Variants in L3MBTL4 observed in about 807,000 individuals in gnomAD.
The protein encoded by L3MBTL4 is L3MBTL histone methyl-lysine binding protein 4.
L3MBTL4 carries 70 observed loss-of-function variants against 84.5 expected under a neutral mutation model. The observed-to-expected ratio is 0.83, with a 90% CI of 0.68 to 1.01. L3MBTL4 has a LOEUF of 1.01. Ranked by LOEUF, L3MBTL4 falls within the 50% of genes least tolerant of loss-of-function variation. The pLI, the probability that L3MBTL4 is intolerant of heterozygous loss-of-function variation, is 0.00. For missense variants in L3MBTL4, 715 were observed against 754.8 expected, an observed-to-expected ratio of 0.95 and a Z score of 0.62; for synonymous variants, 274 against 259.8, an observed-to-expected ratio of 1.05 and a Z score of -0.52.
At chr18:6,169,480 C>A (rs1188659471) in intron 13 of L3MBTL4, among the ~76,000 whole-genome samples, 1 of 152,032 alleles carries the variant, frequency 6.6e-6, no homozygotes, top group Non-Finnish European at 1.5e-5. Context: ...ACATATACAC[C>A]ATGGAATACT....
At chr18:6,219,678 A>G (rs2046468931) in intron 10 of L3MBTL4, among the ~76,000 whole-genome samples, 1 of 151,896 alleles carries the variant, frequency 6.6e-6, no homozygotes, top group East Asian at 1.9e-4. Flanking sequence ...ATCTTCAGTT[A>G]ATGATGAAGA....
intron 12 of L3MBTL4, among the ~76,000 whole-genome samples, chr18:6,174,979 T>C (rs1300356294): frequency 6.7e-6 from 1 of 150,242 alleles, no homozygotes; most frequent in African/African-American, 2.5e-5. Flanking sequence ...ACAGAGAGAA[T>C]GGAGCAGGAA....
At chr18:6,262,874 T>C (rs985731493) in intron 5 of L3MBTL4, among the ~76,000 whole-genome samples, 1 of 152,180 alleles carries the variant, frequency 6.6e-6, no homozygotes, top group African/African-American at 2.4e-5. Context: ...CACTGCCATA[T>C]CCAGGATTAC....
chr18:6,062,684 T>A (rs534554171), intron 16 of L3MBTL4, among the ~76,000 whole-genome samples: 1 of 152,018 alleles, frequency 6.6e-6, no homozygotes, highest in South Asian at 2.1e-4. Context: ...CATCTTTTTT[T>A]TCTCTTTGCT....
chr18:6,262,482 G>A (rs1295466919), intron 5 of L3MBTL4, among the ~76,000 whole-genome samples: 5 of 152,202 alleles, frequency 3.3e-5, no homozygotes, highest in African/African-American at 1.2e-4. Flanking sequence ...TGAAAGCAAT[G>A]TGGGGAAACA....
chr18:6,151,016 T>C lies in L3MBTL4; in HGVS notation c.1097-12720A>G, dbSNP rs772048978. 2.0e-5 allele frequency among the ~76,000 whole-genome samples: 3 copies of C among 152,014 alleles called. No homozygotes were observed. In the South Asian group the frequency reaches 6.2e-4, roughly 32 times the overall value. ...TACAGCAGCGCCAGGCTCCACAAGG[T>C]CAGAGGCCACAGACACAGCAGGACC... On this transcript the variant is annotated intron_variant, in intron 13 of 18. Coordinates refer to ENST00000317931, the MANE Select transcript of L3MBTL4 (RefSeq NM_001330559.2).
At chr18:6,201,918 A>G (rs1004478300) in intron 12 of L3MBTL4, among the ~76,000 whole-genome samples, 2 of 152,260 alleles carry the variant, frequency 1.3e-5, no homozygotes, top group African/African-American at 4.8e-5. Context: ...GTGTTAAGTT[A>G]GGTTGAGTCT....
chr18:6,250,706 C>G (rs952529921), intron 5 of L3MBTL4, among the ~76,000 whole-genome samples: 10 of 152,180 alleles, frequency 6.6e-5, no homozygotes, highest in Non-Finnish European at 8.8e-5. Flanking sequence ...ATACAAAGAA[C>G]TGGGCAAGGA....
chr18:6,167,096 G>A (rs1489782035), intron 13 of L3MBTL4, among the ~76,000 whole-genome samples: 1 of 152,072 alleles, frequency 6.6e-6, no homozygotes. Flanking sequence ...ATAAATTCCT[G>A]TACACATACA....
intron 1 of L3MBTL4, among the ~76,000 whole-genome samples, chr18:6,318,790 T>G (rs571079218): frequency 6.6e-6 from 1 of 152,154 alleles, no homozygotes; most frequent in East Asian, 1.9e-4. Context: ...AGCTAACATA[T>G]ATTTATAGAA....
intron 12 of L3MBTL4, among the ~76,000 whole-genome samples, chr18:6,195,505 C>T (rs1427371516): frequency 2.0e-5 from 3 of 152,080 alleles, no homozygotes; most frequent in Non-Finnish European, 2.9e-5. Context: ...GACATGAATT[C>T]CATGTGGGGC....
At chr18:6,170,011 C>T (rs894895296) in intron 13 of L3MBTL4, among the ~76,000 whole-genome samples, 9 of 151,990 alleles carry the variant, frequency 5.9e-5, no homozygotes, top group South Asian at 2.1e-4. Flanking sequence ...GCACATGCTA[C>T]GGGGCAGGCA....
intron 1 of L3MBTL4, among the ~76,000 whole-genome samples, chr18:6,404,852 AT>A (rs796588434): frequency 0.022 from 3,109 of 141,988 alleles, 58 homozygotes; most frequent in African/African-American, 0.057. Context: ...TGCCTGGATA[AT>A]TTTTTTTTTT....
intron 4 of L3MBTL4, among the ~76,000 whole-genome samples, chr18:6,277,730 A>G (rs2049150640): frequency 1.3e-5 from 2 of 152,044 alleles, no homozygotes; most frequent in African/African-American, 2.4e-5. Flanking sequence ...TACTCTAAAT[A>G]TTTTATATTG....
intron 1 of L3MBTL4, among the ~76,000 whole-genome samples, chr18:6,392,031 C>T (rs932133381): frequency 5.9e-5 from 9 of 151,910 alleles, no homozygotes; most frequent in Non-Finnish European, 1.0e-4. Context: ...CAAAAAGGAG[C>T]CCAAATAGCC....
intron 15 of L3MBTL4, among the ~76,000 whole-genome samples, chr18:6,085,767 G>A (rs1301982187): frequency 1.3e-5 from 2 of 152,148 alleles, no homozygotes; most frequent in African/African-American, 2.4e-5. Flanking sequence ...CCCAGTCTCA[G>A]GCAGTTTTTT....
At chr18:6,139,495 GCA>G (rs142047031) in intron 13 of L3MBTL4, among the ~76,000 whole-genome samples, 24 of 149,796 alleles carry the variant, frequency 1.6e-4, no homozygotes, top group Non-Finnish European at 2.7e-4. Context: ...AAACACACAT[GCA>G]CACACACACA....
In L3MBTL4 at chr18:5,954,852, C is replaced by G. The variant is rs2095218230; in HGVS notation, c.*1368G>C. On this transcript the variant is annotated 3_prime_UTR_variant, in exon 19 of 19. Coordinates refer to ENST00000317931, the MANE Select transcript of L3MBTL4 (RefSeq NM_001330559.2). ...CCACAGAAACAAAATTTACATCAAC[C>G]AATAATATATTAAAATTCCTTTTAG... 6.6e-6 allele frequency: 1 copy of G among 151,770 alleles called. No individual in the cohort carries two copies. The highest frequency in any genetic ancestry group is 1.5e-5 in the Non-Finnish European group (1 of 67,952). The allele number at this position is 151,770 out of a possible 1,614,324, so 9.4% of individuals were successfully genotyped here.
chr18:6,389,941 C>T (rs1244160697), intron 1 of L3MBTL4, among the ~76,000 whole-genome samples: 1 of 152,128 alleles, frequency 6.6e-6, no homozygotes, highest in Non-Finnish European at 1.5e-5. Context: ...CACACTAGAA[C>T]AAATGGACTT....
Sources: allele counts gnomAD v4.1 joint callset (sites outside exome capture counted in the v4.1 genomes callset), GRCh38; gene constraint gnomAD v4.1.1; transcripts MANE v1.5; gene names NCBI Gene and HGNC (gene_info 2026-07-23, HGNC 2026-07-21).